The following CAMK4 variants were observed in gnomAD, a reference collection of about 807,000 sequenced individuals.
The protein encoded by CAMK4 is calcium/calmodulin-dependent protein kinase type IV.
CAMK4 carries 22 observed loss-of-function variants against 44.9 expected under a neutral mutation model. That is an observed-to-expected ratio of 0.49 (90% confidence interval 0.35 to 0.70). The LOEUF is 0.70. Ranked by LOEUF, CAMK4 falls within the 30% of genes least tolerant of loss-of-function variation. The pLI is 0.01. For synonymous variants in CAMK4, 218 were observed against 215.4 expected, an observed-to-expected ratio of 1.01 and a Z score of -0.11; for missense variants, 498 against 586.8, an observed-to-expected ratio of 0.85 and a Z score of 1.56.
At chr5:111,428,542 A>G (rs1358884857) in intron 5 of CAMK4, among the ~76,000 whole-genome samples, 3 of 152,238 alleles carry the variant, frequency 2.0e-5, no homozygotes, top group Non-Finnish European at 4.4e-5. Flanking sequence ...AGAAATTGAA[A>G]TAATTAGAAT....
intron 5 of CAMK4, 89 bp from the exon 6 acceptor site, chr5:111,446,597 A>G: frequency 1.4e-6 from 1 of 707,316 alleles, no homozygotes; most frequent in East Asian, 2.7e-5. Context: ...CTTGAATCAC[A>G]TAACTTATAG....
At chr5:111,266,662 C>T (rs1268922624) in intron 1 of CAMK4, among the ~76,000 whole-genome samples, 1 of 152,238 alleles carries the variant, frequency 6.6e-6, no homozygotes, top group Non-Finnish European at 1.5e-5. Context: ...CCCAGATTGA[C>T]TCATACTCGT....
At chr5:111,359,809 C>CT (rs2112793501) in intron 2 of CAMK4, among the ~76,000 whole-genome samples, 1 of 151,994 alleles carries the variant, frequency 6.6e-6, no homozygotes, top group South Asian at 2.1e-4. Context: ...CAGCATTTTT[C>CT]TTTGAGATTT....
At chr5:111,416,234 T>A (rs1211286754) in intron 5 of CAMK4, among the ~76,000 whole-genome samples, 4 of 151,672 alleles carry the variant, frequency 2.6e-5, no homozygotes, top group African/African-American at 9.7e-5. Flanking sequence ...ATGAACAAAC[T>A]CCCATATACA....
intron 4 of CAMK4, among the ~76,000 whole-genome samples, chr5:111,384,115 T>C (rs1367735381): frequency 1.3e-5 from 2 of 152,128 alleles, no homozygotes; most frequent in Non-Finnish European, 2.9e-5. Context: ...AAGAATGGAA[T>C]AGGGCACTTG....
Position 111,484,798 on chromosome 5 carries a change from A to G in CAMK4, c.*332A>G, listed in dbSNP as rs1442995519. ...CAAATTGTTTTTGCTTTGAAAATCT[A>G]GCCATCCTACATCCTTTGGATTTCT... On this transcript the variant is annotated 3_prime_UTR_variant, in exon 11 of 11. Transcript: ENST00000282356. This position sits in a 1 kb window ranked among gnomAD's most constrained non-coding sequence, Gnocchi z 5.3. The G allele has an allele frequency of 5.4e-6, 1 of 185,416 alleles. No homozygotes were observed. The highest frequency in any genetic ancestry group is 1.1e-5 in the Non-Finnish European group (1 of 90,782). The allele number at this position is 185,416 out of a possible 1,614,324, so 11.5% of individuals were successfully genotyped here.
intron 2 of CAMK4, among the ~76,000 whole-genome samples, 190 bp from the exon 3 acceptor site, chr5:111,374,660 A>G (rs559220313): frequency 6.6e-6 from 1 of 152,230 alleles, no homozygotes; most frequent in South Asian, 2.1e-4. Flanking sequence ...TTCTGGCTGT[A>G]TGTTACGTCA....
intron 1 of CAMK4, among the ~76,000 whole-genome samples, chr5:111,340,088 T>C (rs1001117649): frequency 5.9e-5 from 9 of 151,292 alleles, no homozygotes; most frequent in African/African-American, 2.2e-4. Flanking sequence ...GCAACTTTAC[T>C]GAATTCATTT....
intron 1 of CAMK4, among the ~76,000 whole-genome samples, chr5:111,243,968 GT>G (rs906272106): frequency 1.3e-5 from 2 of 152,024 alleles, no homozygotes; most frequent in Middle Eastern, 3.2e-3. Flanking sequence ...GTTTGTTTTT[GT>G]TTTTTTAATA....
intron 1 of CAMK4, among the ~76,000 whole-genome samples, chr5:111,276,954 G>T (rs1750786185): frequency 6.6e-6 from 1 of 152,074 alleles, no homozygotes; most frequent in Admixed American, 6.6e-5. Context: ...TAAGCAATTT[G>T]ATCTTAAAAT....
chr5:111,428,455 G>C (rs1753310697), intron 5 of CAMK4, among the ~76,000 whole-genome samples: 1 of 152,226 alleles, frequency 6.6e-6, no homozygotes, highest in Admixed American at 6.5e-5. Context: ...ATTCAAAATA[G>C]ATGTGTTGAG....
chr5:111,336,017 A>G (rs1333706749), intron 1 of CAMK4, among the ~76,000 whole-genome samples: 1 of 151,398 alleles, frequency 6.6e-6, no homozygotes, highest in Admixed American at 6.6e-5. Context: ...TAATTTTTCT[A>G]GAATTCCTGT....
intron 8 of CAMK4, among the ~76,000 whole-genome samples, chr5:111,475,906 C>T (rs981657717): frequency 6.6e-6 from 1 of 152,152 alleles, no homozygotes; most frequent in Non-Finnish European, 1.5e-5. Context: ...CTCATTTCAC[C>T]AGAGTGGCTT....
At chr5:111,374,759 A>G (rs1017208124) in intron 2 of CAMK4, 91 bp from the exon 3 acceptor site, 2 of 791,824 alleles carry the variant, frequency 2.5e-6, no homozygotes, top group East Asian at 2.5e-5. Context: ...GAATTGCCTG[A>G]TTCACCCAGG....
At chr5:111,235,310 C>T (rs963749431) in intron 1 of CAMK4, among the ~76,000 whole-genome samples, 3 of 151,936 alleles carry the variant, frequency 2.0e-5, no homozygotes, top group South Asian at 2.1e-4. Flanking sequence ...CAAAGCTCTC[C>T]GTCAGGGCAA....
At chr5:111,320,769 G>T in intron 1 of CAMK4, among the ~76,000 whole-genome samples, 1 of 152,100 alleles carries the variant, frequency 6.6e-6, no homozygotes, top group East Asian at 1.9e-4. Context: ...GCCTCCCAAA[G>T]TGCTGGGATT....
At chr5:111,439,026 A>G (rs1753739465) in intron 5 of CAMK4, among the ~76,000 whole-genome samples, 1 of 152,200 alleles carries the variant, frequency 6.6e-6, no homozygotes, top group South Asian at 2.1e-4. Context: ...TGCTCTCTCC[A>G]CAAACAGGCA....
intron 5 of CAMK4, among the ~76,000 whole-genome samples, chr5:111,432,086 A>G (rs1753466597): frequency 6.6e-6 from 1 of 152,188 alleles, no homozygotes; most frequent in African/African-American, 2.4e-5. Context: ...TACAATAGCT[A>G]AGATTTGGAA....
chr5:111,284,002 T>G (rs530242357), intron 1 of CAMK4, among the ~76,000 whole-genome samples: 21 of 152,244 alleles, frequency 1.4e-4, no homozygotes, highest in Non-Finnish European at 2.2e-4. Context: ...GAGGCTTTCA[T>G]AAAATAGGTC....
Sources: gnomAD v4.1 joint callset for allele counts (sites outside exome capture counted in the v4.1 genomes callset) on GRCh38, gnomAD v4.1.1 for gene constraint, Gnocchi (gnomAD v3.1) non-coding constraint, MANE v1.5 for transcripts, NCBI Gene and HGNC (gene_info 2026-07-23, HGNC 2026-07-21) for gene names.